The following CATSPERE variants were observed in gnomAD, a reference collection of about 807,000 sequenced individuals.
The protein encoded by CATSPERE is catsper channel auxiliary subunit epsilon.
In CATSPERE, 93 loss-of-function variants were observed where a neutral mutation model predicts 114.1. That is an observed-to-expected ratio of 0.81 (90% CI 0.69 to 0.97). The LOEUF (loss-of-function observed/expected upper bound fraction) is 0.97. Ranked by LOEUF, CATSPERE falls within the 50% of genes least tolerant of loss-of-function variation. CATSPERE has a pLI of 0.00. For synonymous variants in CATSPERE, 341 were observed against 384.1 expected, an observed-to-expected ratio of 0.89 and a Z score of 1.31; for missense variants, 1,058 against 1,131.6, an observed-to-expected ratio of 0.93 and a Z score of 0.93.
At chr1:244,493,514 C>T (rs1368274867) in intron 6 of CATSPERE, among the ~76,000 whole-genome samples, 1 of 152,126 alleles carries the variant, frequency 6.6e-6, no homozygotes, top group East Asian at 1.9e-4. Flanking sequence ...AAAACCTAGG[C>T]AATACCATTC....
rs756466860 is a variant in CATSPERE at position 244,552,686 on chromosome 1, A to T, written c.901A>T (p.Ile301Leu). The change falls in exon 9 of 22, where the codon ATA (isoleucine) becomes TTA (leucine). Residue 301 changes from isoleucine (I) to leucine (L), a missense_variant. By Grantham distance (5) the Ile-to-Leu change is conservative. Around this residue, in one of 2 missense-constraint regions of CATSPERE, gnomAD observed 787 missense variants for 905.6 expected, o/e 0.87. Coordinates refer to ENST00000366534, the MANE Select transcript of CATSPERE (RefSeq NM_001130957.2). ...ILSRDGIVFLINGVLYIKSFR... is the reference protein window; with the variant it reads ...ILSRDGIVFLLNGVLYIKSFR... ...ATCGCGGGATGGAATCGTTTTTCTT[A>T]TAAATGGTGTTCTTTACATAAAGAG... The T allele has an allele frequency of 6.2e-7, 1 of 1,614,188 alleles. No individual in the cohort carries two copies. The highest frequency in any genetic ancestry group is 8.5e-7 in the Non-Finnish European group (1 of 1,180,022).
intron 9 of CATSPERE, among the ~76,000 whole-genome samples, chr1:244,553,833 C>T (rs1447689550): frequency 2.0e-5 from 3 of 152,002 alleles, no homozygotes; most frequent in Non-Finnish European, 2.9e-5. Context: ...CCCACGCACC[C>T]CTCTCCTTCC....
rs368876889 is a variant in CATSPERE, at chr1:244,621,221, T to C, written c.2648+3535T>C. Among the ~76,000 whole-genome samples, 352 of 69,166 alleles carry C rather than the reference T, an allele frequency of 5.1e-3. 43 individuals are homozygous for C. Among genetic ancestry groups the C allele is most frequent in the African/African-American group, 0.018 (254 of 14,266 alleles). 45.4% of individuals were successfully genotyped at this position (69,166 alleles called of 152,430 possible). A position where few individuals can be genotyped will look rare whatever the true frequency, so the allele number is the denominator to read the frequency against. On this transcript the variant is annotated intron_variant, in intron 20 of 21. Transcript: ENST00000366534. ...TATATAGATATATTTATATATATAT[T>C]TATATAAATATATTTATATAGATAT...
chr1:244,599,989 C>T (rs906628118), intron 17 of CATSPERE, among the ~76,000 whole-genome samples: 1 of 151,890 alleles, frequency 6.6e-6, no homozygotes, highest in Admixed American at 6.6e-5. Flanking sequence ...AGTATGTTTA[C>T]AGTTTGAGGA....
Position 244,573,412 on chromosome 1 carries a change from A to AAAAACAAAAC in CATSPERE, c.1950+665_1950+674dup, listed in dbSNP as rs58959857. 0.03 allele frequency among the ~76,000 whole-genome samples: 4,534 copies of AAAAACAAAAC among 150,008 alleles called. 222 individuals carry two copies. Among genetic ancestry groups the AAAAACAAAAC allele is most frequent in the African/African-American group, 0.1 (4,192 of 40,168 alleles). Reference sequence around the variant, plus strand: ...GGTGACAGAGTGAGACTCCCTCTCAAAAAACAAAACAAAACAAAACAAAAC... The same window carrying AAAAACAAAAC: ...GGTGACAGAGTGAGACTCCCTCTCAAAAAACAAAACAAAACAAAACAAAACAAAACAAAAC... On this transcript the variant is annotated intron_variant, in intron 11 of 21. Coordinates refer to ENST00000366534, the MANE Select transcript of CATSPERE (RefSeq NM_001130957.2). This position sits in a 1 kb window ranked among gnomAD's most constrained non-coding sequence, Gnocchi z 4.0.
At chr1:244,578,838 A>ATATATATATC (rs1665718928) in intron 11 of CATSPERE, among the ~76,000 whole-genome samples, 1 of 146,912 alleles carries the variant, frequency 6.8e-6, no homozygotes, top group South Asian at 2.1e-4. Flanking sequence ...ATATATATAT[A>ATATATATATC]TATATACACA....
intron 2 of CATSPERE, among the ~76,000 whole-genome samples, chr1:244,465,056 G>A (rs545661081): frequency 2.9e-4 from 42 of 146,208 alleles, no homozygotes; most frequent in African/African-American, 9.6e-4. Context: ...TTTTTTTGGA[G>A]ACAGAGTCTC....
At chr1:244,636,610 A>C (rs190363321) in intron 21 of CATSPERE, 1 of 152,656 alleles carries the variant, frequency 6.6e-6, no homozygotes, top group Non-Finnish European at 1.5e-5. Context: ...AGTACCCACC[A>C]ACCGAAGAAG....
chr1:244,478,034 C>T, intron 4 of CATSPERE, 59 bp downstream of exon 4: 6 of 1,290,566 alleles, frequency 4.6e-6, no homozygotes, highest in Non-Finnish European at 6.7e-6. Flanking sequence ...TATCCTGTTA[C>T]ATTTTATTTT....
intron 10 of CATSPERE, 44 bp downstream of exon 10, chr1:244,561,189 T>C (rs957773739): frequency 2.3e-6 from 3 of 1,316,244 alleles, no homozygotes; most frequent in African/African-American, 2.9e-5. Flanking sequence ...GATTTCACTA[T>C]AGACATCTTC....
At position 244,616,341 on chromosome 1, in the gene CATSPERE, C is replaced by T. The variant is rs549210443; in HGVS notation, c.2491-1188C>T. Among the ~76,000 whole-genome samples, 316 of 152,216 alleles carry T rather than the reference C, an allele frequency of 2.1e-3. 2 individuals carry two copies. Among genetic ancestry groups the T allele is most frequent in the African/African-American group, 7.1e-3 (296 of 41,540 alleles). ...CTGATTGATTGCAAAGCTCTATTGA[C>T]TGGGAAGATGTTCATGAAGGAGGAA... On this transcript the variant is annotated intron_variant, in intron 19 of 21. Coordinates refer to ENST00000366534, the MANE Select transcript of CATSPERE (RefSeq NM_001130957.2).
At chr1:244,542,080 C>G (rs952725986) in intron 8 of CATSPERE, among the ~76,000 whole-genome samples, 3 of 149,512 alleles carry the variant, frequency 2.0e-5, no homozygotes, top group Non-Finnish European at 4.4e-5. Flanking sequence ...ATGGGTGCAG[C>G]GCACCAGCAT....
intron 2 of CATSPERE, among the ~76,000 whole-genome samples, chr1:244,468,809 T>C (rs1668013514): frequency 6.6e-6 from 1 of 152,064 alleles, no homozygotes. Context: ...TCCCAGCTAC[T>C]TGGGCGGCTG....
At chr1:244,625,627 C>A (rs1255945559) in intron 20 of CATSPERE, among the ~76,000 whole-genome samples, 3 of 148,308 alleles carry the variant, frequency 2.0e-5, no homozygotes, top group Admixed American at 2.0e-4. Flanking sequence ...CGGGGTTTCA[C>A]CATCTTGGCC....
chr1:244,570,569 T>G (rs1664284215), intron 10 of CATSPERE, among the ~76,000 whole-genome samples: 1 of 152,238 alleles, frequency 6.6e-6, no homozygotes, highest in African/African-American at 2.4e-5. Context: ...AGGCTATGAA[T>G]TTTTCTCTGT....
chr1:244,624,173 G>C (rs944739329), intron 20 of CATSPERE, among the ~76,000 whole-genome samples: 3 of 127,490 alleles, frequency 2.4e-5, no homozygotes, highest in African/African-American at 8.8e-5. Context: ...GGGTTTCACC[G>C]TGTTAGCCAG....
intron 20 of CATSPERE, among the ~76,000 whole-genome samples, chr1:244,627,809 A>G (rs1673402127): frequency 6.6e-6 from 1 of 152,248 alleles, no homozygotes. Flanking sequence ...ACTTACAATC[A>G]ACAGTGGTCC....
chr1:244,554,976 A>G (rs1299427088), intron 9 of CATSPERE, among the ~76,000 whole-genome samples: 2 of 152,246 alleles, frequency 1.3e-5, no homozygotes, highest in Non-Finnish European at 2.9e-5. Flanking sequence ...AATTTGACAT[A>G]CACAAATCAA....
chr1:244,567,614 C>T (rs770661560), intron 10 of CATSPERE, among the ~76,000 whole-genome samples: 5 of 151,580 alleles, frequency 3.3e-5, no homozygotes, highest in Non-Finnish European at 5.9e-5. Context: ...TCTCTGATAT[C>T]CTTTCTTCTG....
Sources: gnomAD v4.1 joint callset for allele counts (sites outside exome capture counted in the v4.1 genomes callset) on GRCh38, gnomAD v4.1.1 for gene constraint, gnomAD v4.1.1 regional missense constraint, Gnocchi (gnomAD v3.1) non-coding constraint, MANE v1.5 for transcripts, NCBI Gene and HGNC (gene_info 2026-07-23, HGNC 2026-07-21) for gene names.